The following BCLAF1 variants were observed in gnomAD, a reference collection of about 807,000 sequenced individuals.
BCLAF1 encodes bcl-2-associated transcription factor 1.
Under a neutral mutation model 99.5 loss-of-function variants are expected in BCLAF1, and 10 were observed. That is an observed-to-expected ratio of 0.10 (90% CI 0.06 to 0.17). The LOEUF (loss-of-function observed/expected upper bound fraction) is 0.17. Among genes scored for constraint, BCLAF1 ranks in the 10% least tolerant of loss-of-function variants. The pLI is 1.00. For missense variants in BCLAF1, 636 were observed against 1,105.8 expected (o/e 0.58, Z 6.02); for synonymous variants, 255 against 370.9 (o/e 0.69, Z 3.59).
chr6:136,280,437 TA>T (rs1784223301), intron 2 of BCLAF1, among the ~76,000 whole-genome samples: 1 of 152,146 alleles, frequency 6.6e-6, no homozygotes, highest in South Asian at 2.1e-4. Context: ...ACTAAGTTTC[TA>T]AACAGCTGGA....
At chr6:136,286,562 C>T (rs1562270720) in intron 1 of BCLAF1, among the ~76,000 whole-genome samples, 1 of 152,242 alleles carries the variant, frequency 6.6e-6, no homozygotes, top group Admixed American at 6.5e-5. Context: ...CTTGTTTAGG[C>T]AGCCTTTCTG....
At chr6:136,283,880 G>A (rs1314170085) in intron 1 of BCLAF1, among the ~76,000 whole-genome samples, 1 of 151,660 alleles carries the variant, frequency 6.6e-6, no homozygotes, top group Non-Finnish European at 1.5e-5. Context: ...AGCAAGATTG[G>A]GTACAAAAAC....
At chr6:136,276,662 T>C (rs563163715) in intron 4 of BCLAF1, among the ~76,000 whole-genome samples, 154 bp from the exon 5 acceptor site, 2 of 152,328 alleles carry the variant, frequency 1.3e-5, no homozygotes, top group African/African-American at 4.8e-5. Flanking sequence ...TTAAAAATCA[T>C]TGAAAGCATC....
In BCLAF1 at chr6:136,276,344, A is replaced by G. The variant is rs145425102; in HGVS notation, c.1181T>C (p.Phe394Ser). The change falls in exon 5 of 13, where the codon TTT becomes TCT. Residue 394 changes from phenylalanine to serine, a missense_variant. By Grantham distance (155) the Phe-to-Ser change is radical (BLOSUM62 -2). Transcript: ENST00000531224. ...FSDKESGKQK[F>S]NDSEGDDTEE... ...TGTGTCATCCCCTTCTGAATCATTA[A>G]ACTTTTGTTTTCCAGACTCTTTATC... The G allele has an allele frequency of 1.6e-4, 250 of 1,566,854 alleles. No individual in the cohort carries two copies. The highest frequency in any genetic ancestry group is 2.1e-4 in the Non-Finnish European group (243 of 1,160,140).
At chr6:136,274,403 A>T (rs1782967034) in intron 6 of BCLAF1, among the ~76,000 whole-genome samples, 1 of 151,930 alleles carries the variant, frequency 6.6e-6, no homozygotes, top group South Asian at 2.1e-4. Flanking sequence ...AAAAAAGATT[A>T]AAAAATTAAA....
rs939223611 is a variant in BCLAF1, at chr6:136,257,471, C to G, written c.*3639G>C. 6.6e-6 allele frequency: 1 copy of G among 152,104 alleles called. No individual in the cohort carries two copies. Among genetic ancestry groups the G allele is most frequent in the African/African-American group, 2.4e-5 (1 of 41,414 alleles). The allele number at this position is 152,104 out of a possible 1,614,324, so 9.4% of individuals were successfully genotyped here. A position where few individuals can be genotyped will look rare whatever the true frequency, so the allele number is the denominator to read the frequency against. ...AACAATAGGAGTCCAGCTCATAAAT[C>G]AACACAATCTCTGTGGCTCTCAAGT... On this transcript the variant is annotated 3_prime_UTR_variant, in exon 13 of 13. Transcript: ENST00000531224.
At chr6:136,261,221 A>T (rs527483217) in intron 12 of BCLAF1, 44 bp downstream of exon 12, 4 of 1,597,528 alleles carry the variant, frequency 2.5e-6, no homozygotes, top group African/African-American at 1.4e-5. Context: ...CACCAAACCT[A>T]TATCAAAAAA....
chr6:136,279,027 G>A (rs199851155), intron 3 of BCLAF1, among the ~76,000 whole-genome samples: 17 of 53,222 alleles, frequency 3.2e-4, no homozygotes, highest in Middle Eastern at 7.8e-3. Context: ...ACACACACAC[G>A]CATGTGTTAT....
chr6:136,273,244 G>GT, intron 6 of BCLAF1, 57 bp from the exon 7 acceptor site: 1 of 1,448,070 alleles, frequency 6.9e-7, no homozygotes, highest in South Asian at 1.2e-5. Context: ...AGAGAGATTT[G>GT]TTTGTGACAG....
In BCLAF1 at chr6:136,260,841, A is replaced by G. The variant is rs1358588220; in HGVS notation, c.*269T>C. On this transcript the variant is annotated 3_prime_UTR_variant, in exon 13 of 13. Transcript: ENST00000531224. Reference sequence around the variant, plus strand: ...CATATCTTATAGACAAAGCAGAATTACAATGCATGTAACAAAAACGTTAAA... The same window carrying G: ...CATATCTTATAGACAAAGCAGAATTGCAATGCATGTAACAAAAACGTTAAA... 2 of 467,778 alleles carry G rather than the reference A, an allele frequency of 4.3e-6. No homozygotes were observed. Among genetic ancestry groups the G allele is most frequent in the Non-Finnish European group, 7.6e-6 (2 of 263,962 alleles). 29.0% of individuals were successfully genotyped at this position (467,778 alleles called of 1,614,324 possible).
intron 11 of BCLAF1, among the ~76,000 whole-genome samples, chr6:136,266,446 C>A (rs1277436125): frequency 6.6e-6 from 1 of 152,050 alleles, no homozygotes; most frequent in Non-Finnish European, 1.5e-5. Flanking sequence ...TCTAGAGAAT[C>A]CTTCAGGACC....
Position 136,275,911 on chromosome 6 carries a change from T to C in BCLAF1, c.1614A>G (p.Ile538Met). 1 of 1,612,740 alleles carries C rather than the reference T, an allele frequency of 6.2e-7. No homozygotes were observed. Among genetic ancestry groups the C allele is most frequent in the Admixed American group, 1.7e-5 (1 of 59,756 alleles). ...CTTCAGGACGGTGAGAATCACTCGC[T>C]ATCATTTTGATCCTAAGTGGGCTTT... is the stretch of plus-strand genomic sequence containing the variant. ...REESPLRIKM[I>M]ASDSHRPEVK... is the part of the protein sequence containing the mutation. The change falls in exon 5 of 13, where the codon ATA (isoleucine) becomes ATG (methionine). Residue 538 changes from isoleucine (I) to methionine (M), a missense_variant. Ile to Met is a conservative substitution (Grantham distance 10, BLOSUM62 1). Coordinates refer to ENST00000531224, the MANE Select transcript of BCLAF1 (RefSeq NM_014739.3).
chr6:136,280,184 A>G (rs759256738), intron 2 of BCLAF1, among the ~76,000 whole-genome samples: 12 of 152,238 alleles, frequency 7.9e-5, no homozygotes, highest in Non-Finnish European at 1.2e-4. Flanking sequence ...CTGCAGCAGC[A>G]TGTTATGTGT....
In BCLAF1 at chr6:136,273,102, T is replaced by G. The variant is rs138013911; in HGVS notation, c.1938A>C (p.Gln646His). The change falls in exon 7 of 13, where the codon CAA (glutamine) becomes CAC (histidine). Residue 646 changes from glutamine to histidine, a missense_variant. Physicochemically the swap from Gln to His is conservative, Grantham distance 24 (BLOSUM62 0). Around this residue, in one of 9 missense-constraint regions of BCLAF1, gnomAD observed 180 missense variants for 270.0 expected, o/e 0.67. Transcript: ENST00000531224. ...QKATEEHSTR[Q>H]KSPEIHRRID... is the part of the protein sequence containing the mutation. ...CATACCTGTGTATTTCAGGGCTCTT[T>G]TGCCGAGTACTATGTTCTTCAGTGG... 1 of 1,611,816 alleles carries G rather than the reference T, an allele frequency of 6.2e-7. No homozygotes were observed. Among genetic ancestry groups the G allele is most frequent in the Non-Finnish European group, 8.5e-7 (1 of 1,178,472 alleles).
intron 1 of BCLAF1, among the ~76,000 whole-genome samples, chr6:136,287,514 T>C (rs1212852829): frequency 1.3e-5 from 2 of 152,086 alleles, no homozygotes; most frequent in African/African-American, 4.8e-5. Flanking sequence ...TACCCAGAGA[T>C]TTTAGCTTCT....
intron 8 of BCLAF1, among the ~76,000 whole-genome samples, chr6:136,271,206 A>G (rs1782483971): frequency 6.6e-6 from 1 of 151,858 alleles, no homozygotes; most frequent in Admixed American, 6.6e-5. Flanking sequence ...TTTTCCAAAT[A>G]TCATGTAGAT....
chr6:136,265,474 T>C (rs1781588604), intron 11 of BCLAF1, among the ~76,000 whole-genome samples: 1 of 152,186 alleles, frequency 6.6e-6, no homozygotes, highest in Admixed American at 6.5e-5. Flanking sequence ...GTTCAGACAC[T>C]ATATTCTCTC....
At chr6:136,285,270 A>T (rs1358814614) in intron 1 of BCLAF1, among the ~76,000 whole-genome samples, 1 of 152,266 alleles carries the variant, frequency 6.6e-6, no homozygotes, top group East Asian at 1.9e-4. Flanking sequence ...TGGTTTGTCA[A>T]AATGACTTGT....
rs1328455574 is a variant in BCLAF1, at chr6:136,278,485, T to A, written c.396A>T (p.Ser132=). 1 of 1,607,816 alleles carries A rather than the reference T, an allele frequency of 6.2e-7. No homozygotes were observed. The highest frequency in any genetic ancestry group is 1.7e-4 in the Middle Eastern group (1 of 5,978). ...ATCTTGGAGACCTAGAAGATCTATATGACCGGCGAGATCTGCTTCTGGATC... is the reference window on the plus strand; with the variant it reads ...ATCTTGGAGACCTAGAAGATCTATAAGACCGGCGAGATCTGCTTCTGGATC... ...SQRSRSRSRR[S]YRSSRSPRSS... is the part of the protein sequence containing the mutation. Residue 132 remains serine, a synonymous_variant, in exon 4 of 13, where the codon TCA becomes TCT. Transcript: ENST00000531224.
Sources: gnomAD v4.1 joint callset for allele counts (sites outside exome capture counted in the v4.1 genomes callset) on GRCh38, gnomAD v4.1.1 for gene constraint, gnomAD v4.1.1 regional missense constraint, MANE v1.5 for transcripts, NCBI Gene and HGNC (gene_info 2026-07-23, HGNC 2026-07-21) for gene names.